PLPP3: variants seen among roughly 807,000 people sequenced by gnomAD.
PLPP3 encodes PAP2 beta.
A neutral mutation model predicts 29.6 loss-of-function variants in PLPP3; 6 were observed. The ratio of observed to expected loss-of-function variants is 0.20; its 90% CI spans 0.11 to 0.40. The LOEUF (loss-of-function observed/expected upper bound fraction) is 0.40. Among genes scored for constraint, PLPP3 ranks in the 10% least tolerant of loss-of-function variants. The probability of loss-of-function intolerance (pLI) is 1.00; values close to 1 mark genes in which losing one functional copy is unlikely to be tolerated. For synonymous variants in PLPP3, 152 were observed against 159.7 expected (o/e 0.95, Z 0.36); for missense variants, 308 against 407.7 (o/e 0.76, Z 2.11).
chr1:56,543,015 C>CAAA (rs397737077), intron 1 of PLPP3, among the ~76,000 whole-genome samples: 7 of 133,504 alleles, frequency 5.2e-5, no homozygotes, highest in East Asian at 2.2e-4. Flanking sequence ...GATCTTGTTT[C>CAAA]AAAAAAAAAA....
At chr1:56,552,115 C>T (rs1203256331) in intron 1 of PLPP3, among the ~76,000 whole-genome samples, 2 of 151,790 alleles carry the variant, frequency 1.3e-5, no homozygotes, top group African/African-American at 4.8e-5. Context: ...AGGTTCCAGA[C>T]CTGAAGGCTA....
At chr1:56,540,859 C>A (rs17470134) in intron 1 of PLPP3, among the ~76,000 whole-genome samples, 1 of 152,098 alleles carries the variant, frequency 6.6e-6, no homozygotes, top group Non-Finnish European at 1.5e-5. Context: ...GTGCCTTGCC[C>A]TTCCAGGACA....
chr1:56,556,986 GAAAGAAAGAA>G (rs1646081708), intron 1 of PLPP3, among the ~76,000 whole-genome samples: 1 of 6,564 alleles, frequency 1.5e-4, no homozygotes, highest in African/African-American at 3.8e-4. Context: ...AAGAAAGAAA[GAAAGAAAGAA>G]AGAAAGAAAG....
At chr1:56,574,308 G>T (rs1411602811) in intron 1 of PLPP3, among the ~76,000 whole-genome samples, 1 of 152,070 alleles carries the variant, frequency 6.6e-6, no homozygotes, top group East Asian at 1.9e-4. Flanking sequence ...GGAGTGCAGT[G>T]ACACAATCAT....
chr1:56,510,613 C>T (rs113227892), intron 5 of PLPP3, among the ~76,000 whole-genome samples: 7 of 152,332 alleles, frequency 4.6e-5, no homozygotes, highest in Non-Finnish European at 8.8e-5. Flanking sequence ...CTGTGCTTGG[C>T]CTGGCTGTGA....
intron 2 of PLPP3, among the ~76,000 whole-genome samples, chr1:56,527,465 T>G (rs1036020024): frequency 3.9e-5 from 6 of 152,120 alleles, no homozygotes; most frequent in Non-Finnish European, 5.9e-5. Context: ...TTCTGACTCT[T>G]AAGCTCAAAG....
chr1:56,577,258 T>C (rs1646242727), intron 1 of PLPP3, among the ~76,000 whole-genome samples: 1 of 152,212 alleles, frequency 6.6e-6, no homozygotes, highest in Non-Finnish European at 1.5e-5. Flanking sequence ...TAAGTAGTAA[T>C]CTGTCCCACT....
rs1184192077 is a variant in PLPP3, at chr1:56,537,136, T to A, written c.140-24A>T. ...CGCTGGTCCAGGTGGAACCATGGCATATACCAGAAAAAAAAAGAAAAAAAG... is the reference window on the plus strand; with the variant it reads ...CGCTGGTCCAGGTGGAACCATGGCAAATACCAGAAAAAAAAAGAAAAAAAG... On this transcript the variant is annotated intron_variant, in intron 1 of 5. Coordinates refer to ENST00000371250, the MANE Select transcript of PLPP3 (RefSeq NM_003713.5). 4 of 1,593,884 alleles carry A rather than the reference T, an allele frequency of 2.5e-6. No individual in the cohort carries two copies. The African/African-American group carries it at 4.1e-5, about 16-fold the overall frequency.
At chr1:56,545,466 A>G (rs1645999590) in intron 1 of PLPP3, among the ~76,000 whole-genome samples, 1 of 152,154 alleles carries the variant, frequency 6.6e-6, no homozygotes, top group African/African-American at 2.4e-5. Flanking sequence ...GCCACTTCCC[A>G]TACGCAATCT....
At chr1:56,545,742 TC>T in intron 1 of PLPP3, among the ~76,000 whole-genome samples, 1 of 152,254 alleles carries the variant, frequency 6.6e-6, no homozygotes, top group Middle Eastern at 3.4e-3. Flanking sequence ...TGCACTCCCA[TC>T]CAAGCCATGC....
chr1:56,499,548 C>T (rs1483446401), intron 5 of PLPP3, among the ~76,000 whole-genome samples: 1 of 152,174 alleles, frequency 6.6e-6, no homozygotes, highest in African/African-American at 2.4e-5. Context: ...TGGCCTTGGA[C>T]TTTATTGACA....
chr1:56,560,603 G>A (rs1646114732), intron 1 of PLPP3, among the ~76,000 whole-genome samples: 2 of 152,030 alleles, frequency 1.3e-5, no homozygotes, highest in Admixed American at 1.3e-4. Flanking sequence ...GTTTTATAAG[G>A]GCACTAATCC....
intron 2 of PLPP3, among the ~76,000 whole-genome samples, chr1:56,526,018 G>T (rs1645850504): frequency 6.6e-6 from 1 of 152,124 alleles, no homozygotes; most frequent in Admixed American, 6.5e-5. Flanking sequence ...TTGACACAGT[G>T]ACTCTGTGTT....
At chr1:56,564,336 G>A (rs962337331) in intron 1 of PLPP3, among the ~76,000 whole-genome samples, 1 of 152,152 alleles carries the variant, frequency 6.6e-6, no homozygotes, top group African/African-American at 2.4e-5. Context: ...ACTGACATGT[G>A]AACAATGATA....
chr1:56,528,952 C>G lies in PLPP3; in HGVS notation c.298-4398G>C, dbSNP rs554115323. 7.7e-4 allele frequency among the ~76,000 whole-genome samples: 117 copies of G among 151,450 alleles called. 1 individual carries two copies. Among genetic ancestry groups the G allele is most frequent in the African/African-American group, 2.7e-3 (113 of 41,216 alleles). On this transcript the variant is annotated intron_variant, in intron 2 of 5. Transcript: ENST00000371250. ...ACATTCCACTCTATTTGTAAATTAT[C>G]CCAAGAAAAGTAATATTTTTGCACA...
intron 4 of PLPP3, among the ~76,000 whole-genome samples, chr1:56,514,057 C>G (rs572235292): frequency 6.6e-6 from 1 of 150,414 alleles, no homozygotes; most frequent in Non-Finnish European, 1.5e-5. Flanking sequence ...TAAATAAATA[C>G]GTTAAATTAA....
chr1:56,546,729 C>T (rs1476027761), intron 1 of PLPP3, among the ~76,000 whole-genome samples: 1 of 152,172 alleles, frequency 6.6e-6, no homozygotes, highest in East Asian at 1.9e-4. Context: ...ATAGAAAGCC[C>T]TTACCAAATT....
At chr1:56,513,817 T>A (rs1013069183) in intron 4 of PLPP3, 3 of 152,032 alleles carry the variant, frequency 2.0e-5, no homozygotes, top group African/African-American at 7.2e-5. Flanking sequence ...AATAACCAGT[T>A]AAAAATGTAA....
chr1:56,564,604 T>C (rs1163752588), intron 1 of PLPP3, among the ~76,000 whole-genome samples: 1 of 152,172 alleles, frequency 6.6e-6, no homozygotes, highest in East Asian at 1.9e-4. Flanking sequence ...TCAACTCCAT[T>C]AATAGCCTTA....
Sources: allele counts gnomAD v4.1 joint callset (sites outside exome capture counted in the v4.1 genomes callset), GRCh38; gene constraint gnomAD v4.1.1; transcripts MANE v1.5; gene names NCBI Gene and HGNC (gene_info 2026-07-23, HGNC 2026-07-21).